The following USH2A variants were observed in gnomAD, a reference collection of about 807,000 sequenced individuals.
USH2A encodes the protein Usher syndrome 2A (autosomal recessive, mild).
In USH2A, 443 loss-of-function variants were observed where a neutral mutation model predicts 538.9. The observed-to-expected ratio is 0.82, with a 90% confidence interval of 0.76 to 0.89. USH2A has a LOEUF of 0.89. USH2A is among the 40% of genes least tolerant of loss of function. USH2A has a pLI of 0.00. For synonymous variants in USH2A, 2,413 were observed against 2,273.5 expected, an observed-to-expected ratio of 1.06 and a Z score of -1.75; for missense variants, 6,633 against 6,324.8, an observed-to-expected ratio of 1.05 and a Z score of -1.65.
At chr1:216,027,905 A>G (rs1235882748) in intron 32 of USH2A, among the ~76,000 whole-genome samples, 1 of 152,242 alleles carries the variant, frequency 6.6e-6, no homozygotes, top group Non-Finnish European at 1.5e-5. Context: ...TTTACTTTAA[A>G]CATCTGGTAG....
At chr1:215,860,772 C>T (rs1164903727) in intron 44 of USH2A, among the ~76,000 whole-genome samples, 1 of 152,168 alleles carries the variant, frequency 6.6e-6, no homozygotes, top group Non-Finnish European at 1.5e-5. Flanking sequence ...TATTAGATCT[C>T]TTAATTTATT....
chr1:215,988,911 G>T (rs1667942994), intron 35 of USH2A, among the ~76,000 whole-genome samples: 1 of 152,106 alleles, frequency 6.6e-6, no homozygotes, highest in Non-Finnish European at 1.5e-5. Context: ...AAGGGGAGAG[G>T]ATCTTTTCTT....
intron 32 of USH2A, among the ~76,000 whole-genome samples, chr1:216,039,514 C>T (rs1361331502): frequency 1.3e-5 from 2 of 151,992 alleles, no homozygotes; most frequent in Non-Finnish European, 2.9e-5. Context: ...TAACAGAACA[C>T]AGGCGTGTTA....
intron 3 of USH2A, among the ~76,000 whole-genome samples, chr1:216,389,039 A>G (rs1201892915): frequency 1.3e-5 from 2 of 152,224 alleles, no homozygotes; most frequent in Admixed American, 1.3e-4. Flanking sequence ...AAAACCATTA[A>G]AGGCACTAAA....
chr1:216,157,590 A>G (rs1180433809), intron 21 of USH2A, among the ~76,000 whole-genome samples: 1 of 152,236 alleles, frequency 6.6e-6, no homozygotes, highest in East Asian at 1.9e-4. Context: ...GATGGACTGG[A>G]TAAAGAAAAT....
chr1:216,161,052 C>G (rs936185075), intron 21 of USH2A, among the ~76,000 whole-genome samples: 4 of 152,012 alleles, frequency 2.6e-5, no homozygotes, highest in African/African-American at 9.7e-5. Context: ...TACATCTTAT[C>G]TCTTTCTTTG....
At chr1:215,815,937 C>G (rs1046321929) in intron 48 of USH2A, among the ~76,000 whole-genome samples, 1 of 152,080 alleles carries the variant, frequency 6.6e-6, no homozygotes, top group African/African-American at 2.4e-5. Context: ...CTGCACTCCA[C>G]AAACTTTAAA....
At position 216,401,843 on chromosome 1, in the gene USH2A, A is replaced by G. The variant is rs375061868; in HGVS notation, c.651+16671T>C. Among the ~76,000 whole-genome samples, 32 of 152,218 alleles carry G rather than the reference A, an allele frequency of 2.1e-4. No homozygotes were observed. The South Asian group carries it at 5.8e-3, about 28-fold the overall frequency. On this transcript the variant is annotated intron_variant, in intron 3 of 71. Transcript: ENST00000307340. Reference sequence around the variant, plus strand: ...GAAAGGAGAAATAGATAAGCCCACAATTAAATCAGGGACGTCAACAGCAAA... The same window carrying G: ...GAAAGGAGAAATAGATAAGCCCACAGTTAAATCAGGGACGTCAACAGCAAA...
intron 61 of USH2A, among the ~76,000 whole-genome samples, chr1:215,712,786 C>T (rs529886404): frequency 1.3e-5 from 2 of 151,920 alleles, no homozygotes; most frequent in African/African-American, 4.8e-5. Flanking sequence ...TCCTTCCTTC[C>T]TTCCTGTCTT....
In USH2A at chr1:215,784,323, G is replaced by A. The variant is rs940232037; in HGVS notation, c.10388-1388C>T. Among the ~76,000 whole-genome samples the A allele has an allele frequency of 7.2e-5, 11 of 152,118 alleles. No individual in the cohort carries two copies. The South Asian group carries it at 1.7e-3, about 23-fold the overall frequency. On this transcript the variant is annotated intron_variant, in intron 52 of 71. Coordinates refer to ENST00000307340, the MANE Select transcript of USH2A (RefSeq NM_206933.4). ...TCTGGATACCTGAATGACCTTGTGC[G>A]ATTCAGTTGCCTAGACCATCTACCT... is the stretch of plus-strand genomic sequence containing the variant.
intron 47 of USH2A, among the ~76,000 whole-genome samples, chr1:215,823,993 T>C (rs1403726493): frequency 6.6e-6 from 1 of 152,148 alleles, no homozygotes; most frequent in Non-Finnish European, 1.5e-5. Flanking sequence ...TTCTTGGTCA[T>C]AGAGTTCACC....
At chr1:215,978,983 C>G (rs1667686416) in intron 35 of USH2A, among the ~76,000 whole-genome samples, 1 of 152,146 alleles carries the variant, frequency 6.6e-6, no homozygotes, top group Non-Finnish European at 1.5e-5. Flanking sequence ...GTATTAGTCC[C>G]TTCTCATGCT....
rs550712447 is a variant in USH2A at position 215,704,153 on chromosome 1, A to G, written c.12067-23777T>C. On this transcript the variant is annotated intron_variant, in intron 61 of 71. Coordinates refer to ENST00000307340, the MANE Select transcript of USH2A (RefSeq NM_206933.4). The stretch of plus-strand genomic sequence containing the variant: ...TTCCATGGGCTGCACCCACTGTCCA[A>G]CCAGTCCCAGTGGGATGAACCGGGT... 3.3e-4 allele frequency among the ~76,000 whole-genome samples: 50 copies of G among 152,278 alleles called. No individual in the cohort carries two copies. The East Asian group carries it at 9.1e-3, about 28-fold the overall frequency.
chr1:215,823,024 T>C lies in USH2A; in HGVS notation c.9372-5829A>G, dbSNP rs78826165. Among the ~76,000 whole-genome samples the C allele has an allele frequency of 1.3e-3, 199 of 152,180 alleles. 3 individuals carry two copies. In the East Asian group the frequency reaches 0.034, roughly 26 times the overall value. On this transcript the variant is annotated intron_variant, in intron 47 of 71. Coordinates refer to ENST00000307340, the MANE Select transcript of USH2A (RefSeq NM_206933.4). ...TAACACGTTGCTGTACCTACTATTG[T>C]TTTTGATAAATTTGTCTTTTGGGCT...
chr1:215,682,689 T>G (rs1658276016), intron 61 of USH2A, among the ~76,000 whole-genome samples: 1 of 152,016 alleles, frequency 6.6e-6, no homozygotes, highest in Admixed American at 6.6e-5. Flanking sequence ...AGAAAATTTT[T>G]AGGGGTATAC....
In USH2A at chr1:216,196,635, G is replaced by C. The variant is rs370430107; in HGVS notation, c.4169C>G (p.Thr1390Arg). ...GTCATACCCCACAACTTTTCCTCTTGTAACATTATCTGCTGGCTTCTCCCA... is the reference window on the plus strand; with the variant it reads ...GTCATACCCCACAACTTTTCCTCTTCTAACATTATCTGCTGGCTTCTCCCA... ...ISWEKPADNVTRGKVVGYDIN... is the reference protein window; with the variant it reads ...ISWEKPADNVRRGKVVGYDIN... Residue 1390 changes from threonine (T) to arginine (R), a missense_variant, in exon 19 of 72, where the codon ACA (threonine) becomes AGA (arginine). Thr to Arg is a moderately conservative substitution (Grantham distance 71, BLOSUM62 -1). Coordinates refer to ENST00000307340, the MANE Select transcript of USH2A (RefSeq NM_206933.4). 5.0e-5 allele frequency: 80 copies of C among 1,613,442 alleles called. No homozygotes were observed. The highest frequency in any genetic ancestry group is 8.3e-5 in the Admixed American group (5 of 59,980).
chr1:215,664,397 T>G (rs545406380), intron 64 of USH2A, among the ~76,000 whole-genome samples: 1 of 152,238 alleles, frequency 6.6e-6, no homozygotes, highest in African/African-American at 2.4e-5. Context: ...CCATTTATTA[T>G]CTGAAGCTGA....
Position 216,251,640 on chromosome 1 carries a change from G to A in USH2A, c.1972-542C>T, listed in dbSNP as rs1403691725. ...TAATTTTTGTAATTTTAGCAGAGGCGAGGTTTCACCATATTGGTCTTGATC... is the reference window on the plus strand; with the variant it reads ...TAATTTTTGTAATTTTAGCAGAGGCAAGGTTTCACCATATTGGTCTTGATC... On this transcript the variant is annotated intron_variant, in intron 11 of 71. Transcript: ENST00000307340. Among the ~76,000 whole-genome samples the A allele has an allele frequency of 2.6e-5, 4 of 151,788 alleles. No homozygotes were observed. In the South Asian group the frequency reaches 8.3e-4, roughly 32 times the overall value.
intron 21 of USH2A, among the ~76,000 whole-genome samples, chr1:216,126,256 C>T (rs2033252863): frequency 6.6e-6 from 1 of 152,106 alleles, no homozygotes; most frequent in Non-Finnish European, 1.5e-5. Context: ...TGAGGTCTTG[C>T]TCTGTCACCC....
Sources: gnomAD v4.1 joint callset for allele counts (sites outside exome capture counted in the v4.1 genomes callset) on GRCh38, gnomAD v4.1.1 for gene constraint, MANE v1.5 for transcripts, NCBI Gene and HGNC (gene_info 2026-07-23, HGNC 2026-07-21) for gene names.